The following CTIF variants were observed in gnomAD, a reference collection of about 807,000 sequenced individuals.
CTIF encodes cap binding complex dependent translation initiation factor.
In CTIF, 21 loss-of-function variants were observed where a neutral mutation model predicts 66.0. The observed-to-expected ratio is 0.32, with a 90% CI of 0.23 to 0.46. CTIF has a LOEUF of 0.46. Among genes scored for constraint, CTIF ranks in the 20% least tolerant of loss-of-function variants. The probability of loss-of-function intolerance (pLI) is 1.00; values close to 1 mark genes in which losing one functional copy is unlikely to be tolerated. For synonymous variants in CTIF, 345 were observed against 326.4 expected, an observed-to-expected ratio of 1.06 and a Z score of -0.62; for missense variants, 739 against 812.7, an observed-to-expected ratio of 0.91 and a Z score of 1.10.
At chr18:48,623,610 G>A (rs2090538114) in intron 2 of CTIF, among the ~76,000 whole-genome samples, 1 of 151,482 alleles carries the variant, frequency 6.6e-6, no homozygotes, top group Non-Finnish European at 1.5e-5. Context: ...CAAACACTCA[G>A]GGAATGTTCC....
At chr18:48,546,752 G>C (rs1328635254) in intron 1 of CTIF, among the ~76,000 whole-genome samples, 1 of 152,108 alleles carries the variant, frequency 6.6e-6, no homozygotes, top group Non-Finnish European at 1.5e-5. Flanking sequence ...ACAGGACCTG[G>C]TAAAAGTTTG....
chr18:48,622,704 G>A (rs1484791514), intron 2 of CTIF, among the ~76,000 whole-genome samples: 5 of 152,194 alleles, frequency 3.3e-5, no homozygotes, highest in Non-Finnish European at 7.4e-5. Flanking sequence ...TTGGAAAATT[G>A]TAAGGGAAAT....
At position 48,846,497 on chromosome 18, in the gene CTIF, A is replaced by ATGGATG. The variant is rs1568265635; in HGVS notation, c.1528-11091_1528-11090insTGGATG. On this transcript the variant is annotated intron_variant, in intron 10 of 11. Coordinates refer to ENST00000256413, the MANE Select transcript of CTIF (RefSeq NM_014772.3). ...TGGGTAGATAGATGGATGAAAGGAT[A>ATGGATG]GATGGATGGATGGATGGATGGATGG... is the stretch of plus-strand genomic sequence containing the variant. Among the ~76,000 whole-genome samples the ATGGATG allele has an allele frequency of 2.7e-3, 373 of 136,880 alleles. 3 individuals carry two copies. The highest frequency in any genetic ancestry group is 3.3e-3 in the Non-Finnish European group (216 of 66,144). 89.8% of individuals were successfully genotyped at this position (136,880 alleles called of 152,430 possible).
At chr18:48,722,118 C>T (rs1424347682) in intron 7 of CTIF, among the ~76,000 whole-genome samples, 1 of 152,038 alleles carries the variant, frequency 6.6e-6, no homozygotes, top group Non-Finnish European at 1.5e-5. Context: ...AGAAAGGCAG[C>T]CATGCCTGCT....
chr18:48,709,512 A>G (rs1427890875), intron 6 of CTIF, among the ~76,000 whole-genome samples: 1 of 152,208 alleles, frequency 6.6e-6, no homozygotes, highest in Non-Finnish European at 1.5e-5. Context: ...GTGTTACACT[A>G]GGGGCTATGG....
intron 10 of CTIF, among the ~76,000 whole-genome samples, chr18:48,837,907 C>CCA (rs1472604489): frequency 2.0e-5 from 3 of 152,180 alleles, no homozygotes; most frequent in Non-Finnish European, 4.4e-5. Flanking sequence ...TCCCCCACAC[C>CCA]CACACCCTCC....
chr18:48,643,302 G>A (rs299727), intron 3 of CTIF, among the ~76,000 whole-genome samples: 21,837 of 152,194 alleles, frequency 0.14, 1,851 homozygotes, highest in African/African-American at 0.22. Flanking sequence ...CAAAGATACA[G>A]GGAAAATTAT....
intron 7 of CTIF, among the ~76,000 whole-genome samples, 164 bp from the exon 8 acceptor site, chr18:48,757,754 AG>A (rs1908531482): frequency 6.6e-6 from 1 of 152,212 alleles, no homozygotes; most frequent in Non-Finnish European, 1.5e-5. Flanking sequence ...CTGTATCCCC[AG>A]GGGCTGTCAC....
chr18:48,811,578 C>G (rs1163942899), intron 9 of CTIF, among the ~76,000 whole-genome samples: 2 of 152,198 alleles, frequency 1.3e-5, no homozygotes, highest in African/African-American at 4.8e-5. Context: ...TGCTCCCCAG[C>G]TCCTTGTAAC....
At chr18:48,696,449 G>A (rs771459897) in intron 6 of CTIF, among the ~76,000 whole-genome samples, 2 of 152,106 alleles carry the variant, frequency 1.3e-5, no homozygotes, top group African/African-American at 2.4e-5. Context: ...TGGTCTCACC[G>A]TCCCGGCCTG....
chr18:48,558,772 T>A (rs2089081184), intron 1 of CTIF, among the ~76,000 whole-genome samples: 1 of 152,216 alleles, frequency 6.6e-6, no homozygotes. Flanking sequence ...ACAGTGACAG[T>A]TGATATATTT....
At chr18:48,650,339 C>T (rs895982220) in intron 3 of CTIF, among the ~76,000 whole-genome samples, 1 of 152,128 alleles carries the variant, frequency 6.6e-6, no homozygotes, top group African/African-American at 2.4e-5. Context: ...CATGCACAAG[C>T]TTTAATAGTC....
chr18:48,596,635 A>G lies in CTIF; in HGVS notation c.-28-22903A>G, dbSNP rs1483709895. Among the ~76,000 whole-genome samples the G allele has an allele frequency of 2.6e-5, 4 of 151,714 alleles. No individual in the cohort carries two copies. The East Asian group carries it at 7.7e-4, about 29-fold the overall frequency. On this transcript the variant is annotated intron_variant, in intron 1 of 11. Coordinates refer to ENST00000256413, the MANE Select transcript of CTIF (RefSeq NM_014772.3). ...TGGGACAACAGGTGTGTGCTAACACACCTGGCTAATTTTTTGTATTTTAGT... is the reference window on the plus strand; with the variant it reads ...TGGGACAACAGGTGTGTGCTAACACGCCTGGCTAATTTTTTGTATTTTAGT...
In CTIF at chr18:48,859,275, C is replaced by G. The variant is rs1461729663; in HGVS notation, c.1582-69C>G. ...CCCAGCTATTTCCTATCCCTGCCCA[C>G]CTAATCAGGGTGGCCAGTGGGCCAC... On this transcript the variant is annotated intron_variant, in intron 11 of 11. Transcript: ENST00000256413. 57 of 1,358,992 alleles carry G rather than the reference C, an allele frequency of 4.2e-5. No homozygotes were observed. Among genetic ancestry groups the G allele is most frequent in the Middle Eastern group, 2.1e-4 (1 of 4,678 alleles). 84.2% of individuals were successfully genotyped at this position (1,358,992 alleles called of 1,614,324 possible). A position where few individuals can be genotyped will look rare whatever the true frequency, so the allele number is the denominator to read the frequency against.
chr18:48,751,419 T>G (rs1231005165), intron 7 of CTIF, among the ~76,000 whole-genome samples: 4 of 152,196 alleles, frequency 2.6e-5, no homozygotes, highest in Non-Finnish European at 5.9e-5. Flanking sequence ...CTGTAACTAA[T>G]AGATTCACAT....
chr18:48,545,962 G>A (rs1449886429), intron 1 of CTIF, among the ~76,000 whole-genome samples: 2 of 152,174 alleles, frequency 1.3e-5, no homozygotes, highest in Non-Finnish European at 2.9e-5. Flanking sequence ...AGCCAAGAGC[G>A]TGTTTCAGCT....
intron 10 of CTIF, among the ~76,000 whole-genome samples, chr18:48,827,644 C>T (rs1028518626): frequency 2.0e-5 from 3 of 150,762 alleles, no homozygotes; most frequent in African/African-American, 4.9e-5. Context: ...GCACAGACCC[C>T]GCCTGGAATG....
intron 10 of CTIF, among the ~76,000 whole-genome samples, chr18:48,851,879 A>ATT (rs34410244): frequency 1.3e-5 from 2 of 151,184 alleles, no homozygotes; most frequent in Admixed American, 1.3e-4. Flanking sequence ...TATTTTAAGG[A>ATT]TTTTTTTTTC....
At chr18:48,839,842 G>A (rs1364681433) in intron 10 of CTIF, among the ~76,000 whole-genome samples, 1 of 108,108 alleles carries the variant, frequency 9.3e-6, no homozygotes, top group African/African-American at 2.6e-5. Context: ...TATGTCACTG[G>A]GGGGCTGCAT....
Sources: gnomAD v4.1 joint callset for allele counts (sites outside exome capture counted in the v4.1 genomes callset) on GRCh38, gnomAD v4.1.1 for gene constraint, MANE v1.5 for transcripts, NCBI Gene and HGNC (gene_info 2026-07-23, HGNC 2026-07-21) for gene names.